MAP3K5: variants seen among roughly 807,000 people sequenced by gnomAD.
MAP3K5 encodes the protein mitogen-activated protein kinase kinase kinase 5.
In MAP3K5, 56 loss-of-function variants were observed where a neutral mutation model predicts 158.7. The ratio of observed to expected loss-of-function variants is 0.35; its 90% CI spans 0.28 to 0.44. The LOEUF is 0.44. Ranked by LOEUF, MAP3K5 falls within the 20% of genes least tolerant of loss-of-function variation. MAP3K5 has a pLI of 1.00. For synonymous variants in MAP3K5, 579 were observed against 601.7 expected (o/e 0.96, Z 0.55); for missense variants, 1,294 against 1,674.8 (o/e 0.77, Z 3.97).
chr6:136,745,144 T>TG, intron 1 of MAP3K5, among the ~76,000 whole-genome samples: 4 of 314 alleles, frequency 0.013, no homozygotes. Context: ...GTCATTAAAG[T>TG]TTTTTTTTTT....
At chr6:136,574,074 G>GC (rs2129072472) in intron 25 of MAP3K5, among the ~76,000 whole-genome samples, 1 of 152,178 alleles carries the variant, frequency 6.6e-6, no homozygotes, top group African/African-American at 2.4e-5. Context: ...AGGATTATAG[G>GC]CATGCGCCAT....
intron 14 of MAP3K5, among the ~76,000 whole-genome samples, chr6:136,634,193 A>T (rs1200878248): frequency 1.3e-5 from 2 of 152,250 alleles, no homozygotes; most frequent in East Asian, 3.8e-4. Context: ...AAGAAATGTA[A>T]CCAAATATAT....
chr6:136,618,636 T>C (rs1401176692), intron 15 of MAP3K5, among the ~76,000 whole-genome samples: 1 of 152,242 alleles, frequency 6.6e-6, no homozygotes, highest in Non-Finnish European at 1.5e-5. Flanking sequence ...AAATTTCATA[T>C]TGTTTCAAAG....
chr6:136,574,738 G>A (rs1273991970), intron 25 of MAP3K5, among the ~76,000 whole-genome samples: 2 of 142,480 alleles, frequency 1.4e-5, no homozygotes, highest in Non-Finnish European at 3.0e-5. Flanking sequence ...ACCCAGGCTG[G>A]AGTGCAGTGG....
intron 13 of MAP3K5, among the ~76,000 whole-genome samples, chr6:136,637,917 C>G (rs1777724352): frequency 6.6e-6 from 1 of 152,152 alleles, no homozygotes; most frequent in Admixed American, 6.5e-5. Flanking sequence ...ACCTTTCTTA[C>G]CCACCCATCC....
intron 9 of MAP3K5, 57 bp from the exon 10 acceptor site, chr6:136,656,517 A>T (rs1475225874): frequency 4.7e-6 from 5 of 1,064,062 alleles, no homozygotes; most frequent in Non-Finnish European, 6.9e-6. Flanking sequence ...ACCTGTTCCC[A>T]TGTATCCCAG....
chr6:136,642,088 A>AAT (rs1778002705), intron 12 of MAP3K5, among the ~76,000 whole-genome samples: 1 of 145,136 alleles, frequency 6.9e-6, no homozygotes, highest in Non-Finnish European at 1.5e-5. Flanking sequence ...AATAAAATAA[A>AAT]ATAAAATTAG....
chr6:136,711,037 A>C (rs1781284801), intron 2 of MAP3K5, among the ~76,000 whole-genome samples: 1 of 152,192 alleles, frequency 6.6e-6, no homozygotes, highest in African/African-American at 2.4e-5. Context: ...CACACTGCTA[A>C]AACAAGCTGA....
intron 7 of MAP3K5, among the ~76,000 whole-genome samples, chr6:136,677,403 C>T (rs1436315791): frequency 6.6e-6 from 1 of 152,182 alleles, no homozygotes; most frequent in African/African-American, 2.4e-5. Flanking sequence ...TCCCAAAGTG[C>T]AGGGATTACA....
intron 8 of MAP3K5, among the ~76,000 whole-genome samples, chr6:136,660,970 A>G (rs1778981375): frequency 6.6e-6 from 1 of 152,064 alleles, no homozygotes; most frequent in Non-Finnish European, 1.5e-5. Context: ...CCTTAATCAA[A>G]CTCAGATATC....
rs768984050 is a variant in MAP3K5 at position 136,697,433 on chromosome 6, T to C, written c.807-46A>G. On this transcript the variant is annotated intron_variant, in intron 4 of 29. Coordinates refer to ENST00000359015, the MANE Select transcript of MAP3K5 (RefSeq NM_005923.4). ...TCAAAGAGTTTGACATTAGAAACAA[T>C]TTCAATGAAAAGCAATAATTTTAAT... is the stretch of plus-strand genomic sequence containing the variant. 17 of 1,470,072 alleles carry C rather than the reference T, an allele frequency of 1.2e-5. No homozygotes were observed. The South Asian group carries it at 1.9e-4, about 16-fold the overall frequency. 91.1% of individuals were successfully genotyped at this position (1,470,072 alleles called of 1,614,324 possible).
chr6:136,558,673 G>C, intron 29 of MAP3K5, 127 bp downstream of exon 29: 1 of 593,142 alleles, frequency 1.7e-6, no homozygotes, highest in Non-Finnish European at 3.0e-6. Context: ...ACTCAGAGCA[G>C]CTAAGAGCTA....
rs530172646 is a variant in MAP3K5, at chr6:136,775,280, T to C, written c.448+16430A>G. The stretch of plus-strand genomic sequence containing the variant: ...TTACCTGGTGACCACATATTAGGTA[T>C]AGATTATGGCTCAAAAGTTGGGTAA... On this transcript the variant is annotated intron_variant, in intron 1 of 29. Coordinates refer to ENST00000359015, the MANE Select transcript of MAP3K5 (RefSeq NM_005923.4). Among the ~76,000 whole-genome samples, 6 of 152,326 alleles carry C rather than the reference T, an allele frequency of 3.9e-5. No individual in the cohort carries two copies. In the South Asian group the frequency reaches 1.0e-3, roughly 26 times the overall value.
chr6:136,742,776 A>G (rs1429605651), intron 1 of MAP3K5, among the ~76,000 whole-genome samples: 3 of 152,258 alleles, frequency 2.0e-5, no homozygotes, highest in Admixed American at 1.3e-4. Context: ...GTTATCCAAA[A>G]TATACAAAGA....
At chr6:136,595,351 T>C (rs1775577149) in intron 21 of MAP3K5, among the ~76,000 whole-genome samples, 1 of 152,190 alleles carries the variant, frequency 6.6e-6, no homozygotes, top group South Asian at 2.1e-4. Context: ...GTAATCCACC[T>C]GCTTCGGCCT....
At chr6:136,605,415 G>A (rs181152286) in intron 18 of MAP3K5, 49 bp from the exon 19 acceptor site, 3 of 1,480,542 alleles carry the variant, frequency 2.0e-6, no homozygotes, top group Non-Finnish European at 1.8e-6. Flanking sequence ...AAAACAGAAG[G>A]GTATCTAATG....
intron 7 of MAP3K5, among the ~76,000 whole-genome samples, chr6:136,680,010 A>G (rs1779863730): frequency 6.6e-6 from 1 of 152,100 alleles, no homozygotes; most frequent in Non-Finnish European, 1.5e-5. Context: ...TACAATGCAG[A>G]GGAAGATTTG....
chr6:136,699,546 C>T (rs572317352), intron 3 of MAP3K5, among the ~76,000 whole-genome samples: 61 of 152,318 alleles, frequency 4.0e-4, no homozygotes, highest in African/African-American at 1.4e-3. Context: ...AACCTCAGCC[C>T]TGCCACTCTC....
At position 136,557,509 on chromosome 6, in the gene MAP3K5, A is replaced by G; in HGVS notation, c.*249T>C. 1 of 358,058 alleles carries G rather than the reference A, an allele frequency of 2.8e-6. No homozygotes were observed. Among genetic ancestry groups the G allele is most frequent in the Non-Finnish European group, 5.0e-6 (1 of 198,510 alleles). The allele number at this position is 358,058 out of a possible 1,614,324, so 22.2% of individuals were successfully genotyped here. ...AAATGCTTAGATTAAAATCTTCCTG[A>G]ACATTAGGGTTCTAATGTTCAGGAT... is the stretch of plus-strand genomic sequence containing the variant. On this transcript the variant is annotated 3_prime_UTR_variant, in exon 30 of 30. Transcript: ENST00000359015.
Sources: gnomAD v4.1 joint callset for allele counts (sites outside exome capture counted in the v4.1 genomes callset) on GRCh38, gnomAD v4.1.1 for gene constraint, MANE v1.5 for transcripts, NCBI Gene and HGNC (gene_info 2026-07-23, HGNC 2026-07-21) for gene names.